Variants in PTPRD observed in about 807,000 individuals in gnomAD.
PTPRD encodes receptor-type tyrosine-protein phosphatase delta.
In PTPRD, 34 loss-of-function variants were observed where a neutral mutation model predicts 214.5. The ratio of observed to expected loss-of-function variants is 0.16; its 90% confidence interval spans 0.12 to 0.21. The LOEUF (loss-of-function observed/expected upper bound fraction) is 0.21, where lower values mean the gene tolerates loss of function less well. Among genes scored for constraint, PTPRD ranks in the 10% least tolerant of loss-of-function variants. The probability of loss-of-function intolerance (pLI) is 1.00; values close to 1 mark genes in which losing one functional copy is unlikely to be tolerated. For missense variants in PTPRD, 2,545 were observed against 2,398.7 expected (o/e 1.06, Z -1.27); for synonymous variants, 1,128 against 845.7 (o/e 1.33, Z -5.79).
Position 8,449,823 on chromosome 9 carries a change from G to A in PTPRD, c.3890C>T (p.Ser1297Phe), listed in dbSNP as rs747185538. Residue 1297 changes from serine to phenylalanine, a missense_variant, in exon 34 of 46, where the codon TCC (serine) becomes TTC (phenylalanine). By Grantham distance (155) the Ser-to-Phe change is radical. Transcript: ENST00000381196. ...ILLYKRKRAESDSRKSSIPNN... is the reference protein window; with the variant it reads ...ILLYKRKRAEFDSRKSSIPNN... The stretch of plus-strand genomic sequence containing the variant: ...CGGTATGCTGCTTTTTCTAGAGTCG[G>A]ACTCTGCCCTCTTCCTATAGGGGGA... 1.2e-6 allele frequency: 2 copies of A among 1,613,918 alleles called. No homozygotes were observed. Among genetic ancestry groups the A allele is most frequent in the East Asian group, 2.2e-5 (1 of 44,866 alleles).
chr9:10,159,857 T>C (rs911655993), intron 3 of PTPRD, among the ~76,000 whole-genome samples: 3 of 151,998 alleles, frequency 2.0e-5, no homozygotes, highest in Non-Finnish European at 2.9e-5. Context: ...CTACCAGATA[T>C]AGAAAATAAC....
intron 10 of PTPRD, among the ~76,000 whole-genome samples, chr9:9,103,165 G>C (rs2099793616): frequency 6.6e-6 from 1 of 152,064 alleles, no homozygotes; most frequent in Non-Finnish European, 1.5e-5. Flanking sequence ...TTATTTGGGT[G>C]GGTTAGCCAA....
intron 3 of PTPRD, among the ~76,000 whole-genome samples, chr9:10,082,572 G>T (rs565583988): frequency 6.6e-6 from 1 of 152,098 alleles, no homozygotes; most frequent in East Asian, 1.9e-4. Flanking sequence ...GCAGAGAGGT[G>T]AAGTTATGTA....
chr9:9,360,014 G>C (rs1184914814), intron 9 of PTPRD, among the ~76,000 whole-genome samples: 2 of 151,118 alleles, frequency 1.3e-5, no homozygotes, highest in East Asian at 1.9e-4. Flanking sequence ...TCAGTGATCT[G>C]GTTACAGTTC....
rs143792887 is a variant in PTPRD, at chr9:10,066,451, G to A, written c.-544-32661C>T. Among the ~76,000 whole-genome samples the A allele has an allele frequency of 7.9e-5, 12 of 151,376 alleles. No individual in the cohort carries two copies. In the East Asian group the frequency reaches 2.1e-3, roughly 27 times the overall value. On this transcript the variant is annotated intron_variant, in intron 3 of 45. Transcript: ENST00000381196. ...ATTTTATTTATAATTTCATTACCAGGTTTCAAAAAATGTATACATAATCAC... is the reference window on the plus strand; with the variant it reads ...ATTTTATTTATAATTTCATTACCAGATTTCAAAAAATGTATACATAATCAC...
intron 3 of PTPRD, among the ~76,000 whole-genome samples, chr9:10,289,500 G>A (rs954601107): frequency 7.2e-5 from 11 of 152,104 alleles, no homozygotes; most frequent in African/African-American, 1.9e-4. Context: ...TCACTATGAC[G>A]AGAAATTTGT....
chr9:10,214,133 G>C (rs2099529769), intron 3 of PTPRD, among the ~76,000 whole-genome samples: 1 of 152,164 alleles, frequency 6.6e-6, no homozygotes, highest in East Asian at 1.9e-4. Context: ...AGTATGCTTT[G>C]CTTTAATTTT....
intron 44 of PTPRD, among the ~76,000 whole-genome samples, chr9:8,322,010 AAG>A (rs748314209): frequency 0.045 from 6,896 of 152,146 alleles, 204 homozygotes; most frequent in South Asian, 0.16. Flanking sequence ...ACATCTGTTA[AAG>A]TGATCTGTGA....
chr9:8,650,418 G>A (rs1478504767), intron 12 of PTPRD, among the ~76,000 whole-genome samples: 1 of 151,684 alleles, frequency 6.6e-6, no homozygotes, highest in Non-Finnish European at 1.5e-5. Flanking sequence ...CCAGCTGCTC[G>A]GGAGGCTGAG....
chr9:10,592,904 A>C (rs986218619), intron 2 of PTPRD, among the ~76,000 whole-genome samples: 2 of 151,960 alleles, frequency 1.3e-5, no homozygotes, highest in African/African-American at 4.8e-5. Flanking sequence ...GCCCAGCAGC[A>C]GCAACCTGCT....
At chr9:8,491,980 T>G (rs1277334551) in intron 27 of PTPRD, among the ~76,000 whole-genome samples, 1 of 152,234 alleles carries the variant, frequency 6.6e-6, no homozygotes, top group Non-Finnish European at 1.5e-5. Context: ...TGCAATTATC[T>G]CTTAATTTAC....
intron 8 of PTPRD, among the ~76,000 whole-genome samples, chr9:9,420,720 T>C (rs1332205): frequency 1.3e-3 from 191 of 151,978 alleles, no homozygotes; most frequent in African/African-American, 3.9e-3. Flanking sequence ...ACGTACAACA[T>C]AACCACCAAA....
chr9:8,770,343 TA>T lies in PTPRD; in HGVS notation c.-103-36398del, dbSNP rs375131231. Among the ~76,000 whole-genome samples, 964 of 142,080 alleles carry T rather than the reference TA, an allele frequency of 6.8e-3. 7 individuals carry two copies. The highest frequency in any genetic ancestry group is 0.018 in the Admixed American group (259 of 14,402). The allele number at this position is 142,080 out of a possible 152,430, so 93.2% of individuals were successfully genotyped here. On this transcript the variant is annotated intron_variant, in intron 11 of 45. Transcript: ENST00000381196. The stretch of plus-strand genomic sequence containing the variant: ...TTCTCAATTTGCTATGATAGTGTAA[TA>T]AAAAAAAAAACACGATCCACTATCT...
At chr9:9,336,442 T>C (rs1207886244) in intron 9 of PTPRD, among the ~76,000 whole-genome samples, 2 of 152,168 alleles carry the variant, frequency 1.3e-5, no homozygotes, top group Admixed American at 6.6e-5. Context: ...CACAGTGATC[T>C]TGATGTCCAA....
At chr9:10,449,791 C>A (rs1233527475) in intron 2 of PTPRD, among the ~76,000 whole-genome samples, 2 of 150,278 alleles carry the variant, frequency 1.3e-5, no homozygotes, top group Non-Finnish European at 1.5e-5. Context: ...GCGGTTTTGT[C>A]GAATAGAAAA....
At chr9:10,487,971 T>TCTCC (rs1204855459) in intron 2 of PTPRD, among the ~76,000 whole-genome samples, 1 of 64,724 alleles carries the variant, frequency 1.5e-5, no homozygotes, top group African/African-American at 4.9e-5. Flanking sequence ...ACACAGTCTC[T>TCTCC]CTCTCTCTCT....
chr9:8,824,450 A>G (rs957814797), intron 11 of PTPRD, among the ~76,000 whole-genome samples: 6 of 152,180 alleles, frequency 3.9e-5, no homozygotes, highest in Admixed American at 1.3e-4. Context: ...AAGTGTTAGT[A>G]TGGTAAGGTT....
chr9:8,351,910 C>T (rs1325207379), intron 39 of PTPRD, among the ~76,000 whole-genome samples: 1 of 152,018 alleles, frequency 6.6e-6, no homozygotes, highest in Non-Finnish European at 1.5e-5. Context: ...GCACAAAGTT[C>T]CCAAACTGCC....
At chr9:8,717,643 G>C (rs575043895) in intron 12 of PTPRD, among the ~76,000 whole-genome samples, 2 of 152,268 alleles carry the variant, frequency 1.3e-5, no homozygotes, top group African/African-American at 4.8e-5. Context: ...AATAAACTGA[G>C]GGGCATTTTT....
Sources: allele counts gnomAD v4.1 joint callset (sites outside exome capture counted in the v4.1 genomes callset), GRCh38; gene constraint gnomAD v4.1.1; transcripts MANE v1.5; gene names NCBI Gene and HGNC (gene_info 2026-07-23, HGNC 2026-07-21).